The following ENTREP2 variants were observed in gnomAD, a reference collection of about 807,000 sequenced individuals.
The protein encoded by ENTREP2 is endosomal transmembrane epsin interactor 2.
the ENTREP2 span, among the ~76,000 whole-genome samples, chr15:29,597,947 C>G: frequency 0.15 from 23,303 of 151,968 alleles, 1,923 homozygotes; most frequent in Middle Eastern, 0.22. Flanking sequence ...CATGATGAAA[C>G]CCTGTGTTTC....
the ENTREP2 span, among the ~76,000 whole-genome samples, chr15:29,539,265 C>T: frequency 7.2e-6 from 1 of 139,164 alleles, no homozygotes; most frequent in East Asian, 2.2e-4. Context: ...CCTAAATCAA[C>T]GACAGTGTTC....
the ENTREP2 span, among the ~76,000 whole-genome samples, chr15:29,415,067 A>G: frequency 2.6e-5 from 4 of 152,216 alleles, no homozygotes; most frequent in Non-Finnish European, 5.9e-5. Context: ...GAATTCTACC[A>G]GAGGTACAAG....
chr15:29,405,175 G>A, the ENTREP2 span, among the ~76,000 whole-genome samples: 1 of 152,132 alleles, frequency 6.6e-6, no homozygotes, highest in East Asian at 1.9e-4. Flanking sequence ...GATCACCTGA[G>A]GTCAGGAGTT....
At chr15:29,262,814 G>C in the ENTREP2 span, among the ~76,000 whole-genome samples, 1 of 152,224 alleles carries the variant, frequency 6.6e-6, no homozygotes, top group Non-Finnish European at 1.5e-5. Flanking sequence ...TGTCCTGAGA[G>C]TGGGCAGTCT....
At chr15:29,529,081 C>G in the ENTREP2 span, among the ~76,000 whole-genome samples, 1 of 150,608 alleles carries the variant, frequency 6.6e-6, no homozygotes, top group East Asian at 2.0e-4. Flanking sequence ...ATGAAACCAG[C>G]CTATTTGAGT....
At chr15:29,312,440 G>GT in the ENTREP2 span, among the ~76,000 whole-genome samples, 2 of 152,094 alleles carry the variant, frequency 1.3e-5, no homozygotes, top group Non-Finnish European at 1.5e-5. Flanking sequence ...CAGATGTTGA[G>GT]TTTTTTTACG....
chr15:29,576,965 AC>A, the ENTREP2 span, among the ~76,000 whole-genome samples: 1 of 151,934 alleles, frequency 6.6e-6, no homozygotes, highest in African/African-American at 2.4e-5. Flanking sequence ...CCGCCACCGC[AC>A]CCGCTAATTT....
the ENTREP2 span, among the ~76,000 whole-genome samples, chr15:29,469,073 C>T: frequency 6.6e-6 from 1 of 152,110 alleles, no homozygotes; most frequent in African/African-American, 2.4e-5. Context: ...TCCCGATAGC[C>T]CCCTTCCAGA....
chr15:29,527,422 A>T, the ENTREP2 span, among the ~76,000 whole-genome samples: 1 of 152,216 alleles, frequency 6.6e-6, no homozygotes, highest in African/African-American at 2.4e-5. Flanking sequence ...TAGGAAAACA[A>T]ATCTGTCTAA....
At chr15:29,172,482 T>C in the ENTREP2 span, among the ~76,000 whole-genome samples, 1 of 151,978 alleles carries the variant, frequency 6.6e-6, no homozygotes, top group East Asian at 1.9e-4. Flanking sequence ...GAATGATGTC[T>C]GACTTGGAGC....
At chr15:29,217,048 A>G in the ENTREP2 span, among the ~76,000 whole-genome samples, 1 of 152,230 alleles carries the variant, frequency 6.6e-6, no homozygotes, top group Non-Finnish European at 1.5e-5. Flanking sequence ...GAAGTAAAGT[A>G]GGCAAAAGTT....
At chr15:29,487,278 A>T in the ENTREP2 span, among the ~76,000 whole-genome samples, 9 of 152,290 alleles carry the variant, frequency 5.9e-5, no homozygotes, top group East Asian at 1.7e-3. Flanking sequence ...CATGCTCAGA[A>T]GAAGCCTGAG....
At chr15:29,195,460 C>G in the ENTREP2 span, 3 of 250,388 alleles carry the variant, frequency 1.2e-5, no homozygotes, top group African/African-American at 6.9e-5. Flanking sequence ...CCCCTCCATA[C>G]TGCAAACACA....
At chr15:29,139,988 G>C in the ENTREP2 span, among the ~76,000 whole-genome samples, 6 of 152,198 alleles carry the variant, frequency 3.9e-5, no homozygotes, top group South Asian at 2.1e-4. Context: ...CTGCCTGTAG[G>C]GGGTGCCAGA....
chr15:29,609,616 C>A, the ENTREP2 span: 1 of 148,476 alleles, frequency 6.7e-6, no homozygotes, highest in African/African-American at 2.5e-5. Context: ...TTATAGATTG[C>A]CCAATCTATA....
the ENTREP2 span, among the ~76,000 whole-genome samples, chr15:29,196,006 G>T: frequency 6.6e-6 from 1 of 151,978 alleles, no homozygotes. Context: ...AACATCAAAT[G>T]CTACACATAA....
the ENTREP2 span, among the ~76,000 whole-genome samples, chr15:29,154,676 T>A: frequency 6.6e-6 from 1 of 152,200 alleles, no homozygotes; most frequent in African/African-American, 2.4e-5. Context: ...ACATGCTCTG[T>A]GCGTGTGCTA....
At chr15:29,289,313 C>G in the ENTREP2 span, among the ~76,000 whole-genome samples, 1 of 152,070 alleles carries the variant, frequency 6.6e-6, no homozygotes, top group Non-Finnish European at 1.5e-5. Context: ...AAAAGGCACT[C>G]TACCTTATTA....
chr15:29,574,990 A>G, the ENTREP2 span, among the ~76,000 whole-genome samples: 131,873 of 152,218 alleles, frequency 0.87, 57,293 homozygotes, highest in East Asian at 1. Context: ...GGGAACACCA[A>G]GCCTAGATGC....
Sources: allele counts gnomAD v4.1 joint callset (sites outside exome capture counted in the v4.1 genomes callset), GRCh38; gene constraint gnomAD v4.1.1; transcripts MANE v1.5; gene names NCBI Gene and HGNC (gene_info 2026-07-23, HGNC 2026-07-21).